The following MACF1 variants were observed in gnomAD, a reference collection of about 807,000 sequenced individuals.
MACF1 encodes microtubule-actin cross-linking factor 1.
MACF1 carries 193 observed loss-of-function variants against 854.8 expected under a neutral mutation model. That is an observed-to-expected ratio of 0.23 (90% CI 0.20 to 0.25). The LOEUF is 0.25. Among genes scored for constraint, MACF1 ranks in the 10% least tolerant of loss-of-function variants. The probability of loss-of-function intolerance (pLI) is 1.00; values close to 1 mark genes in which losing one functional copy is unlikely to be tolerated. For synonymous variants in MACF1, 3,185 were observed against 3,226.7 expected (o/e 0.99, Z 0.44); for missense variants, 7,722 against 8,929.1 (o/e 0.86, Z 5.45).
intron 100 of MACF1, chr1:39,485,267 G>A (rs1347948891): frequency 4.5e-6 from 2 of 445,970 alleles, no homozygotes; most frequent in Non-Finnish European, 8.0e-6. Context: ...TGAGGTGGTT[G>A]AGCAACCTTG....
intron 2 of MACF1, among the ~76,000 whole-genome samples, chr1:39,190,371 G>T (rs509301): frequency 1.0e-4 from 13 of 123,964 alleles, no homozygotes; most frequent in Admixed American, 4.9e-4. Flanking sequence ...CTCTTCTTTT[G>T]TGTGTGTGTG....
rs560213150 is a variant in MACF1, at chr1:39,283,799, G to A, written c.916-267G>A. 2.6e-5 allele frequency among the ~76,000 whole-genome samples: 4 copies of A among 152,110 alleles called. No homozygotes were observed. The highest frequency in any genetic ancestry group is 1.9e-4 in the East Asian group (1 of 5,198). On this transcript the variant is annotated intron_variant, in intron 9 of 100. Coordinates refer to ENST00000564288, the MANE Select transcript of MACF1 (RefSeq NM_001394062.1). The surrounding 1 kb of genome is among the most constrained non-coding windows in gnomAD (Gnocchi z 4.5). ...AGGAAGTGTTTTATCAGTCACTTAT[G>A]TATCAGCTTGATTAGGTAGATCATG... is the stretch of plus-strand genomic sequence containing the variant.
chr1:39,085,995 C>T (rs1038520927), intron 2 of MACF1, among the ~76,000 whole-genome samples: 1 of 152,198 alleles, frequency 6.6e-6, no homozygotes, highest in African/African-American at 2.4e-5. Context: ...AAGCTTCCTC[C>T]TCCGCTCTCA....
rs537533581 is a variant in MACF1, at chr1:39,350,884, C to G, written c.11065C>G (p.Arg3689Gly). The change falls in exon 43 of 101, where the codon CGT becomes GGT. Residue 3689 changes from arginine to glycine, a missense_variant. Physicochemically the swap from Arg to Gly is moderately radical, Grantham distance 125 (BLOSUM62 -2). Coordinates refer to ENST00000564288, the MANE Select transcript of MACF1 (RefSeq NM_001394062.1). ...MEENQTKLSP[R>G]ELTALREKLH... is the part of the protein sequence containing the mutation. ...AGAGAATCAGACCAAGCTGAGCCCA[C>G]GTGAGTTGACAGCTCTTCGGGAAAA... 6 of 1,613,992 alleles carry G rather than the reference C, an allele frequency of 3.7e-6. No individual in the cohort carries two copies. The Admixed American group carries it at 8.3e-5, about 22-fold the overall frequency.
chr1:39,257,774 T>C, intron 5 of MACF1, 162 bp from the exon 6 acceptor site: 1 of 585,254 alleles, frequency 1.7e-6, no homozygotes, highest in Non-Finnish European at 3.0e-6. Context: ...TGAAACTGTT[T>C]TGTGGTGGTA....
chr1:39,123,270 C>T (rs1347839595), intron 2 of MACF1, among the ~76,000 whole-genome samples: 7 of 130,612 alleles, frequency 5.4e-5, no homozygotes, highest in East Asian at 4.7e-4. Flanking sequence ...TGCAGTGGTG[C>T]GATCTTGGCT....
At position 39,283,822 on chromosome 1, in the gene MACF1, A is replaced by G. The variant is rs1402000488; in HGVS notation, c.916-244A>G. On this transcript the variant is annotated intron_variant, in intron 9 of 100. Transcript: ENST00000564288. The surrounding 1 kb of genome is among the most constrained non-coding windows in gnomAD (Gnocchi z 4.5). ...ATGTATCAGCTTGATTAGGTAGATC[A>G]TGGCTCTTTTCAGAATATTTTTAGT... 6.6e-6 allele frequency among the ~76,000 whole-genome samples: 1 copy of G among 152,096 alleles called. No individual in the cohort carries two copies. The highest frequency in any genetic ancestry group is 1.5e-5 in the Non-Finnish European group (1 of 68,030).
At chr1:39,293,081 T>G (rs35188822) in intron 17 of MACF1, among the ~76,000 whole-genome samples, 67 of 152,368 alleles carry the variant, frequency 4.4e-4, no homozygotes, top group African/African-American at 1.6e-3. Flanking sequence ...CTAGGTATTG[T>G]GCTTCAACAA....
chr1:39,393,196 A>AAAAAAAAT (rs57576149), intron 58 of MACF1, among the ~76,000 whole-genome samples: 3 of 66,576 alleles, frequency 4.5e-5, no homozygotes, highest in African/African-American at 2.5e-4. Context: ...AAAAAAAAAA[A>AAAAAAAAT]ATATATATAT....
intron 61 of MACF1, among the ~76,000 whole-genome samples, chr1:39,424,568 A>G: frequency 6.6e-6 from 1 of 152,288 alleles, no homozygotes; most frequent in Non-Finnish European, 1.5e-5. Context: ...TTGGAATTGA[A>G]ATGTGTCATA....
chr1:39,415,613 G>C (rs993136486), intron 58 of MACF1, among the ~76,000 whole-genome samples: 2 of 150,664 alleles, frequency 1.3e-5, no homozygotes, highest in Non-Finnish European at 2.9e-5. Context: ...TGCCCGCCTC[G>C]GCCTCCCAGA....
At chr1:39,443,351 C>T (rs1644158200) in intron 78 of MACF1, 95 bp from the exon 79 acceptor site, 12 of 1,381,104 alleles carry the variant, frequency 8.7e-6, no homozygotes, top group Non-Finnish European at 1.2e-5. Flanking sequence ...CCGAAAATTC[C>T]TTCCTCAAGA....
chr1:39,459,506 G>C (rs1644508670), intron 91 of MACF1, among the ~76,000 whole-genome samples: 1 of 152,256 alleles, frequency 6.6e-6, no homozygotes, highest in Non-Finnish European at 1.5e-5. Context: ...CCATAATGAG[G>C]GCCAGGACCT....
intron 49 of MACF1, among the ~76,000 whole-genome samples, chr1:39,364,718 T>A (rs919923733): frequency 6.6e-6 from 1 of 152,016 alleles, no homozygotes; most frequent in African/African-American, 2.4e-5. Context: ...GGTCTCGATC[T>A]CCTGACCTCG....
chr1:39,321,020 T>C (rs936086788), intron 31 of MACF1, among the ~76,000 whole-genome samples: 1 of 152,226 alleles, frequency 6.6e-6, no homozygotes, highest in Non-Finnish European at 1.5e-5. Context: ...TTGTTTATTC[T>C]GTGACTCTTA....
At chr1:39,464,503 C>T (rs1644620911) in intron 94 of MACF1, 1 of 154,522 alleles carries the variant, frequency 6.5e-6, no homozygotes, top group African/African-American at 2.4e-5. Context: ...TCCATATAAT[C>T]TTATGCCTGC....
At chr1:39,153,473 C>T (rs531602905) in intron 2 of MACF1, among the ~76,000 whole-genome samples, 1 of 152,116 alleles carries the variant, frequency 6.6e-6, no homozygotes, top group South Asian at 2.1e-4. Flanking sequence ...TCTCCTTGGA[C>T]CCACAGCCAA....
At chr1:39,197,880 T>A (rs1644341279) in intron 2 of MACF1, among the ~76,000 whole-genome samples, 1 of 151,956 alleles carries the variant, frequency 6.6e-6, no homozygotes, top group Admixed American at 6.6e-5. Flanking sequence ...AGCGAGACCA[T>A]GTTTCGAAAA....
At chr1:39,225,566 T>C (rs1644707321) in intron 1 of MACF1, among the ~76,000 whole-genome samples, 1 of 152,152 alleles carries the variant, frequency 6.6e-6, no homozygotes, top group African/African-American at 2.4e-5. Flanking sequence ...CCCCAAGTAA[T>C]TAATAAGGTT....
Sources: allele counts gnomAD v4.1 joint callset (sites outside exome capture counted in the v4.1 genomes callset), GRCh38; gene constraint gnomAD v4.1.1; non-coding constraint Gnocchi (gnomAD v3.1); transcripts MANE v1.5; gene names NCBI Gene and HGNC (gene_info 2026-07-23, HGNC 2026-07-21).